Variants in COL21A1 observed in about 807,000 individuals in gnomAD.
The protein encoded by COL21A1 is collagen type XXI alpha 1 chain, also known as collagen alpha-1(XXI) chain.
COL21A1 carries 149 observed loss-of-function variants against 137.9 expected under a neutral mutation model. That is an observed-to-expected ratio of 1.08 (90% CI 0.95 to 1.24). COL21A1 has a LOEUF of 1.24. Ranked by LOEUF, COL21A1 falls within the 50% of genes most tolerant of loss-of-function variation. The pLI, the probability that COL21A1 is intolerant of heterozygous loss-of-function variation, is 0.00. For synonymous variants in COL21A1, 456 were observed against 391.5 expected, an observed-to-expected ratio of 1.16 and a Z score of -1.95; for missense variants, 1,167 against 1,158.4, an observed-to-expected ratio of 1.01 and a Z score of -0.11.
At position 56,179,780 on chromosome 6, in the gene COL21A1, T is replaced by C. The variant is rs2038149; in HGVS notation, c.438A>G (p.Lys146=). ...CTGCATCCTTGACGTCATCTTGGGA[T>C]TTGCCATCCGTAAGTACCACTGCTA... The part of the protein sequence containing the change: ...TKIAVVLTDG[K]SQDDVKDAAQ... The change falls in exon 3 of 30, where the codon AAA becomes AAG. Residue 146 remains lysine, a synonymous_variant. Transcript: ENST00000244728. The C allele has an allele frequency of 0.65, 1,050,440 of 1,613,316 alleles. 344,083 individuals are homozygous for C. Among genetic ancestry groups the C allele is most frequent in the East Asian group, 0.86 (38,457 of 44,880 alleles).
chr6:56,195,601 C>T (rs1778968875), intron 1 of COL21A1, among the ~76,000 whole-genome samples: 1 of 151,912 alleles, frequency 6.6e-6, no homozygotes, highest in African/African-American at 2.4e-5. Context: ...AATTATGAGA[C>T]TACTATAAAA....
chr6:56,066,963 G>GTGTATA (rs141084647), intron 23 of COL21A1, among the ~76,000 whole-genome samples: 10 of 127,914 alleles, frequency 7.8e-5, no homozygotes, highest in African/African-American at 1.3e-4. Flanking sequence ...CTGTGTGTGT[G>GTGTATA]TATATATATA....
rs370614812 is a variant in COL21A1, at chr6:56,379,318, A to G, written c.-39+14653T>C. On this transcript the variant is annotated intron_variant, in intron 1 of 28. Transcript: ENST00000370819. ...CCAAAAAGCTGTTTTGAGGAAGGTC[A>G]AAGAAATTTAAGATAACACAGAGAA... Among the ~76,000 whole-genome samples the G allele has an allele frequency of 1.4e-4, 22 of 152,346 alleles. No individual in the cohort carries two copies. In the East Asian group the frequency reaches 3.7e-3, roughly 25 times the overall value.
chr6:56,362,108 A>C (rs1765988046), intron 1 of COL21A1, among the ~76,000 whole-genome samples: 1 of 152,188 alleles, frequency 6.6e-6, no homozygotes, highest in South Asian at 2.1e-4. Flanking sequence ...CTACTACCAC[A>C]GGGGCACCCT....
chr6:56,280,417 G>A (rs995329414), intron 1 of COL21A1, among the ~76,000 whole-genome samples: 3 of 152,132 alleles, frequency 2.0e-5, no homozygotes, highest in Non-Finnish European at 4.4e-5. Context: ...ATGCAGCTCA[G>A]TGTAACTATC....
intron 16 of COL21A1, 21 bp from the exon 17 acceptor site, chr6:56,101,546 A>G (rs1336699792): frequency 3.8e-6 from 6 of 1,559,228 alleles, no homozygotes; most frequent in Non-Finnish European, 5.2e-6. Flanking sequence ...TTTGACAAAA[A>G]GAAATAGAGA....
At chr6:56,367,220 ATTGTTG>A (rs1766121598) in intron 1 of COL21A1, among the ~76,000 whole-genome samples, 1 of 152,196 alleles carries the variant, frequency 6.6e-6, no homozygotes, top group Non-Finnish European at 1.5e-5. Context: ...TCAAATGCTG[ATTGTTG>A]TTTACACAAT....
At chr6:56,131,880 A>G (rs1188547089) in intron 12 of COL21A1, among the ~76,000 whole-genome samples, 1 of 152,148 alleles carries the variant, frequency 6.6e-6, no homozygotes, top group Admixed American at 6.5e-5. Flanking sequence ...TTAACATGAA[A>G]ACAAAGTTAC....
intron 16 of COL21A1, among the ~76,000 whole-genome samples, chr6:56,118,531 A>G (rs1479361310): frequency 2.0e-5 from 3 of 152,002 alleles, no homozygotes; most frequent in Non-Finnish European, 4.4e-5. Context: ...TCCTACTCAA[A>G]CTATTCTGAA....
At chr6:56,307,615 G>A (rs967152180) in intron 1 of COL21A1, among the ~76,000 whole-genome samples, 71 of 152,328 alleles carry the variant, frequency 4.7e-4, no homozygotes, top group Admixed American at 1.2e-3. Context: ...TCCAGGTGCC[G>A]TCTGTCACCC....
intron 1 of COL21A1, among the ~76,000 whole-genome samples, chr6:56,311,633 T>C (rs1042041800): frequency 3.3e-5 from 5 of 152,226 alleles, no homozygotes; most frequent in African/African-American, 1.2e-4. Flanking sequence ...GGTGTGTGTG[T>C]ACATGTATTT....
At chr6:56,342,456 G>C (rs1335429811) in intron 1 of COL21A1, among the ~76,000 whole-genome samples, 1 of 152,166 alleles carries the variant, frequency 6.6e-6, no homozygotes, top group Non-Finnish European at 1.5e-5. Flanking sequence ...TGCTCTTCAG[G>C]AGTGGGCAAA....
In COL21A1 at chr6:56,077,571, TC is replaced by T; in HGVS notation, c.1814del (p.Gly605GlufsTer11). The T allele has an allele frequency of 6.4e-7, 1 of 1,562,208 alleles. No homozygotes were observed. The highest frequency in any genetic ancestry group is 8.7e-7 in the Non-Finnish European group (1 of 1,149,082). ...PGQDGTRGEP[G>X]IPGFPGNRGL... ...CTCGGTTTCCAGGAAATCCTGGGAT[TC>T]CCTAAAAACAAATAAAATAGATTTT... On this transcript the variant is annotated frameshift_variant and splice_region_variant, in exon 18 of 30. Transcript: ENST00000244728. LOFTEE classifies it high-confidence loss of function.
intron 1 of COL21A1, among the ~76,000 whole-genome samples, chr6:56,357,730 A>G (rs373191088): frequency 3.6e-4 from 55 of 152,330 alleles, no homozygotes; most frequent in African/African-American, 1.3e-3. Context: ...CCATTTGAGA[A>G]AGGAGTTTGG....
chr6:56,327,234 G>A (rs1765116670), intron 1 of COL21A1, among the ~76,000 whole-genome samples: 1 of 151,380 alleles, frequency 6.6e-6, no homozygotes. Flanking sequence ...TTATGTGTGA[G>A]TAGAAATAAA....
chr6:56,095,424 C>T (rs1769227528), intron 17 of COL21A1, among the ~76,000 whole-genome samples: 1 of 152,174 alleles, frequency 6.6e-6, no homozygotes, highest in South Asian at 2.1e-4. Flanking sequence ...ACTCTGACCA[C>T]TCTCACTTTA....
chr6:56,349,136 G>A (rs73745620), intron 1 of COL21A1, among the ~76,000 whole-genome samples: 20,640 of 152,092 alleles, frequency 0.14, 1,649 homozygotes, highest in African/African-American at 0.23. Context: ...TTCTGGCCTT[G>A]GCTAGGGCAC....
chr6:56,069,094 G>A lies in COL21A1; in HGVS notation c.2043C>T (p.Ser681=), dbSNP rs377430054. The part of the protein sequence containing the change: ...GLKGEPGATG[S]PGEPGYMGLP... ...AACCCATGTATCCTGGTTCTCCTGG[G>A]GAACCCGTTGCTCCTGGTTCTCCCT... The change falls in exon 22 of 30, where the codon TCC becomes TCT. Residue 681 remains serine (S), a synonymous_variant. Transcript: ENST00000244728. The A allele has an allele frequency of 1.3e-6, 2 of 1,598,560 alleles. No homozygotes were observed. Among genetic ancestry groups the A allele is most frequent in the African/African-American group, 1.4e-5 (1 of 74,054 alleles).
Position 56,060,894 on chromosome 6 carries a change from C to A in COL21A1, c.2349G>T (p.Lys783Asn). 6.3e-7 allele frequency: 1 copy of A among 1,580,412 alleles called. No homozygotes were observed. Among genetic ancestry groups the A allele is most frequent in the Non-Finnish European group, 8.6e-7 (1 of 1,168,796 alleles). The change falls in exon 26 of 30, where the codon AAG becomes AAT. Residue 783 changes from lysine (K) to asparagine (N), a missense_variant. Coordinates refer to ENST00000244728, the MANE Select transcript of COL21A1 (RefSeq NM_030820.4). ...GTGAAAGAAGCAGAATACATACGGG[C>A]TTCCCATCCAAACCTGGGGGTCCCT... ...GPQGPPGLDG[K>N]PGREFSEQFI...
Sources: gnomAD v4.1 joint callset for allele counts (sites outside exome capture counted in the v4.1 genomes callset) on GRCh38, gnomAD v4.1.1 for gene constraint, MANE v1.5 for transcripts, NCBI Gene and HGNC (gene_info 2026-07-23, HGNC 2026-07-21) for gene names.